OR1C1: variants seen among roughly 807,000 people sequenced by gnomAD.
OR1C1 encodes the protein olfactory receptor family 1 subfamily C member 1, also known as olfactory receptor 1C1.
For missense variants in OR1C1, 407 were observed against 384.3 expected, an observed-to-expected ratio of 1.06 and a Z score of -0.49; for synonymous variants, 153 against 154.6, an observed-to-expected ratio of 0.99 and a Z score of 0.08.
At chr1:247,759,537 CATT>C (rs1420876172) in intron 1 of OR1C1, among the ~76,000 whole-genome samples, 1 of 152,182 alleles carries the variant, frequency 6.6e-6, no homozygotes, top group African/African-American at 2.4e-5. Context: ...GTCCAAGTAT[CATT>C]ATTTTCTCAC....
Position 247,760,504 on chromosome 1 carries a change from C to G in OR1C1, c.-106G>C, listed in dbSNP as rs778222945. 7.9e-5 allele frequency: 12 copies of G among 152,034 alleles called. No individual in the cohort carries two copies. The highest frequency in any genetic ancestry group is 1.2e-4 in the Non-Finnish European group (8 of 67,996). The allele number at this position is 152,034 out of a possible 1,614,324, so 9.4% of individuals were successfully genotyped here. A position where few individuals can be genotyped will look rare whatever the true frequency, so the allele number is the denominator to read the frequency against. On this transcript the variant is annotated 5_prime_UTR_variant, in exon 1 of 2. Transcript: ENST00000641256. ...TGGACCTATGCATTGATTCAGATTT[C>G]TAGTCAAGAGTGAAAAAGAGAAGAA...
chr1:247,760,258 T>C (rs369245262), intron 1 of OR1C1, among the ~76,000 whole-genome samples, 154 bp downstream of exon 1: 43 of 152,196 alleles, frequency 2.8e-4, no homozygotes, highest in African/African-American at 9.6e-4. Flanking sequence ...ATCATCTTAA[T>C]TTCAAAATTT....
In OR1C1 at chr1:247,756,092, T is replaced by TTTTA. The variant is rs1168389876; in HGVS notation, c.*1366_*1369dup. On this transcript the variant is annotated 3_prime_UTR_variant, in exon 2 of 2. Transcript: ENST00000641256. The surrounding 1 kb of genome is among the most constrained non-coding windows in gnomAD (Gnocchi z 4.3). ...AAGTTACAATTTACTTCACCAATGCTTTTATTTATTTATTTATATTCTGAG... is the reference window on the plus strand; with the variant it reads ...AAGTTACAATTTACTTCACCAATGCTTTTATTTATTTATTTATTTATATTCTGAG... 6.6e-6 allele frequency: 1 copy of TTTTA among 152,202 alleles called. No individual in the cohort carries two copies. Among genetic ancestry groups the TTTTA allele is most frequent in the African/African-American group, 2.4e-5 (1 of 41,456 alleles). 9.4% of individuals were successfully genotyped at this position (152,202 alleles called of 1,614,324 possible).
chr1:247,758,095 G>A lies in OR1C1; in HGVS notation c.312C>T (p.Phe104=), dbSNP rs373351363. Residue 104 remains phenylalanine (F), a synonymous_variant, in exon 2 of 2, where the codon TTC becomes TTT. Coordinates refer to ENST00000641256, the MANE Select transcript of OR1C1 (RefSeq NM_012353.3). ...FAGCLTQLFF[F]VSFVNMDSLL... is the part of the protein sequence containing the mutation. ...GGCTGTCCATATTCACAAAAGAAACGAAGAAGAAGAGCTGGGTGAGGCAGC... is the reference window on the plus strand; with the variant it reads ...GGCTGTCCATATTCACAAAAGAAACAAAGAAGAAGAGCTGGGTGAGGCAGC... 2 of 1,613,924 alleles carry A rather than the reference G, an allele frequency of 1.2e-6. No individual in the cohort carries two copies. The highest frequency in any genetic ancestry group is 2.2e-5 in the South Asian group (2 of 91,064).
intron 1 of OR1C1, among the ~76,000 whole-genome samples, chr1:247,759,327 T>C (rs1209277150): frequency 6.6e-6 from 1 of 152,164 alleles, no homozygotes; most frequent in East Asian, 1.9e-4. Flanking sequence ...ATTTCTATGA[T>C]CCAGGTGCTG....
At position 247,756,551 on chromosome 1, in the gene OR1C1, A is replaced by G. The variant is rs1173160261; in HGVS notation, c.*911T>C. On this transcript the variant is annotated 3_prime_UTR_variant, in exon 2 of 2. Transcript: ENST00000641256. The surrounding 1 kb of genome is among the most constrained non-coding windows in gnomAD (Gnocchi z 4.3). ...CATTCTCAGATGTAAAATTGTAGAA[A>G]GGAACCGGAATAGGTTGAATAAACA... 2 of 152,232 alleles carry G rather than the reference A, an allele frequency of 1.3e-5. No individual in the cohort carries two copies. Among genetic ancestry groups the G allele is most frequent in the Non-Finnish European group, 2.9e-5 (2 of 68,044 alleles). 9.4% of individuals were successfully genotyped at this position (152,232 alleles called of 1,614,324 possible). A position where few individuals can be genotyped will look rare whatever the true frequency, so the allele number is the denominator to read the frequency against.
rs974912520 is a variant in OR1C1, at chr1:247,755,478, C to G, written c.*1984G>C. On this transcript the variant is annotated 3_prime_UTR_variant, in exon 2 of 2. Coordinates refer to ENST00000641256, the MANE Select transcript of OR1C1 (RefSeq NM_012353.3). ...TCAGTAGCAAAAAACTGCCAAATAA[C>G]ACAATTTTTAAAAAGAGCAAAGTAC... is the stretch of plus-strand genomic sequence containing the variant. The G allele has an allele frequency of 1.3e-5, 2 of 151,860 alleles. No homozygotes were observed. The highest frequency in any genetic ancestry group is 2.9e-5 in the Non-Finnish European group (2 of 67,940). The allele number at this position is 151,860 out of a possible 1,614,324, so 9.4% of individuals were successfully genotyped here.
At position 247,756,623 on chromosome 1, in the gene OR1C1, T is replaced by C. The variant is rs1006311555; in HGVS notation, c.*839A>G. On this transcript the variant is annotated 3_prime_UTR_variant, in exon 2 of 2. Transcript: ENST00000641256. The surrounding 1 kb of genome is among the most constrained non-coding windows in gnomAD (Gnocchi z 4.3). Reference sequence around the variant, plus strand: ...AATATCTTAAATGGAGTCTATTTAATTGAATGACCTCAAATATAATTATTT... The same window carrying C: ...AATATCTTAAATGGAGTCTATTTAACTGAATGACCTCAAATATAATTATTT... 1 of 152,192 alleles carries C rather than the reference T, an allele frequency of 6.6e-6. No individual in the cohort carries two copies. Among genetic ancestry groups the C allele is most frequent in the Admixed American group, 6.5e-5 (1 of 15,272 alleles). 9.4% of individuals were successfully genotyped at this position (152,192 alleles called of 1,614,324 possible).
rs1661227378 is a variant in OR1C1 at position 247,757,341 on chromosome 1, G to A, written c.*121C>T. 1.1e-5 allele frequency: 8 copies of A among 721,336 alleles called. No homozygotes were observed. Among genetic ancestry groups the A allele is most frequent in the Non-Finnish European group, 1.4e-5 (6 of 428,384 alleles). 44.7% of individuals were successfully genotyped at this position (721,336 alleles called of 1,614,324 possible). A position where few individuals can be genotyped will look rare whatever the true frequency, so the allele number is the denominator to read the frequency against. ...ATAATTCATATAAAGTGCTTAACAC[G>A]ATTTCCAGCATAAGGGAGACATTTA... On this transcript the variant is annotated 3_prime_UTR_variant, in exon 2 of 2. Coordinates refer to ENST00000641256, the MANE Select transcript of OR1C1 (RefSeq NM_012353.3).
rs1337006649 is a variant in OR1C1, at chr1:247,756,634, C to CA, written c.*827dup. 6.6e-6 allele frequency: 1 copy of CA among 152,014 alleles called. No individual in the cohort carries two copies. The highest frequency in any genetic ancestry group is 1.5e-5 in the Non-Finnish European group (1 of 68,018). The allele number at this position is 152,014 out of a possible 1,614,324, so 9.4% of individuals were successfully genotyped here. On this transcript the variant is annotated 3_prime_UTR_variant, in exon 2 of 2. Coordinates refer to ENST00000641256, the MANE Select transcript of OR1C1 (RefSeq NM_012353.3). This position sits in a 1 kb window ranked among gnomAD's most constrained non-coding sequence, Gnocchi z 4.3. ...TGGAGTCTATTTAATTGAATGACCTCAAATATAATTATTTTTGCATACAGT... is the reference window on the plus strand; with the variant it reads ...TGGAGTCTATTTAATTGAATGACCTCAAAATATAATTATTTTTGCATACAGT...
chr1:247,757,822 A>G lies in OR1C1; in HGVS notation c.585T>C (p.Asn195=), dbSNP rs1661246055. ...LQLSCSDVSF[N]VMIIFAVGGL... is the part of the protein sequence containing the mutation. ...CTCCTACTGCAAAAATGATCATTACATTGAAGGAGACGTCAGAGCAAGAGA... is the reference window on the plus strand; with the variant it reads ...CTCCTACTGCAAAAATGATCATTACGTTGAAGGAGACGTCAGAGCAAGAGA... Residue 195 remains asparagine, a synonymous_variant, in exon 2 of 2, where the codon AAT becomes AAC. Transcript: ENST00000641256. 2.5e-6 allele frequency: 4 copies of G among 1,614,000 alleles called. No homozygotes were observed. The highest frequency in any genetic ancestry group is 1.1e-5 in the South Asian group (1 of 91,066).
rs776672113 is a variant in OR1C1, at chr1:247,757,538, T to C, written c.869A>G (p.Tyr290Cys). ...CTTCATATCCCTGTTCCTTAGGGTA[T>C]AGATGAAAGGATTCAGCATCGGAGC... ...MVAPMLNPFI[Y>C]TLRNRDMKRG... is the part of the protein sequence containing the mutation. The change falls in exon 2 of 2, where the codon TAT (tyrosine) becomes TGT (cysteine). Residue 290 changes from tyrosine to cysteine, a missense_variant. Physicochemically the swap from Tyr to Cys is radical, Grantham distance 194. Transcript: ENST00000641256. 1 of 1,614,022 alleles carries C rather than the reference T, an allele frequency of 6.2e-7. No homozygotes were observed. The highest frequency in any genetic ancestry group is 8.5e-7 in the Non-Finnish European group (1 of 1,179,988).
In OR1C1 at chr1:247,757,511, C is replaced by G. The variant is rs769952078; in HGVS notation, c.896G>C (p.Arg299Thr). The G allele has an allele frequency of 2.5e-6, 4 of 1,613,818 alleles. No homozygotes were observed. The highest frequency in any genetic ancestry group is 3.4e-6 in the Non-Finnish European group (4 of 1,179,994). The change falls in exon 2 of 2, where the codon AGG (arginine) becomes ACG (threonine). Residue 299 changes from arginine (R) to threonine (T), a missense_variant. Arg to Thr is a moderately conservative substitution (Grantham distance 71, BLOSUM62 -1). Coordinates refer to ENST00000641256, the MANE Select transcript of OR1C1 (RefSeq NM_012353.3). The part of the protein sequence containing the change: ...IYTLRNRDMK[R>T]GLQKMLLKCT... Reference sequence around the variant, plus strand: ...CTTGAGAAGCATTTTCTGAAGTCCCCTCTTCATATCCCTGTTCCTTAGGGT... The same window carrying G: ...CTTGAGAAGCATTTTCTGAAGTCCCGTCTTCATATCCCTGTTCCTTAGGGT...
At position 247,757,761 on chromosome 1, in the gene OR1C1, C is replaced by A. The variant is rs770848084; in HGVS notation, c.646G>T (p.Val216Leu). The stretch of plus-strand genomic sequence containing the variant: ...GTGGAGAAGATAAGTCCATAAGATA[C>A]GAGGATACAGACAAGGGGCGTGAGA... ...LALTPLVCIL[V>L]SYGLIFSTVL... The change falls in exon 2 of 2, where the codon GTA (valine) becomes TTA (leucine). Residue 216 changes from valine (V) to leucine (L), a missense_variant. Transcript: ENST00000641256. 1.2e-5 allele frequency: 19 copies of A among 1,613,782 alleles called. No individual in the cohort carries two copies. The highest frequency in any genetic ancestry group is 7.6e-6 in the Non-Finnish European group (9 of 1,179,986).
rs780912684 is a variant in OR1C1 at position 247,758,046 on chromosome 1, C to T, written c.361G>A (p.Asp121Asn). The T allele has an allele frequency of 1.2e-6, 2 of 1,614,084 alleles. No individual in the cohort carries two copies. Among genetic ancestry groups the T allele is most frequent in the South Asian group, 2.2e-5 (2 of 91,076 alleles). The change falls in exon 2 of 2, where the codon GAT becomes AAT. Residue 121 changes from aspartate (D) to asparagine (N), a missense_variant. By Grantham distance (23) the Asp-to-Asn change is conservative. Coordinates refer to ENST00000641256, the MANE Select transcript of OR1C1 (RefSeq NM_012353.3). ...GGGTGGCAAATCGCCACATATCTAT[C>T]ATACGCCATCACACACAGAAGGAGG... ...DSLLLCVMAY[D>N]RYVAICHPLH...
chr1:247,754,940 C>A lies in OR1C1; in HGVS notation c.*2522G>T, dbSNP rs1661184594. On this transcript the variant is annotated 3_prime_UTR_variant, in exon 2 of 2. Coordinates refer to ENST00000641256, the MANE Select transcript of OR1C1 (RefSeq NM_012353.3). ...TTTATGCCAATTAAATTTTAAAATGCAATAAAAAGATACAGTAATCAAAAA... is the reference window on the plus strand; with the variant it reads ...TTTATGCCAATTAAATTTTAAAATGAAATAAAAAGATACAGTAATCAAAAA... The A allele has an allele frequency of 6.6e-6, 1 of 151,712 alleles. No homozygotes were observed. The highest frequency in any genetic ancestry group is 1.5e-5 in the Non-Finnish European group (1 of 67,898). The allele number at this position is 151,712 out of a possible 1,614,324, so 9.4% of individuals were successfully genotyped here.
Position 247,757,929 on chromosome 1 carries a change from T to C in OR1C1, c.478A>G (p.Thr160Ala), listed in dbSNP as rs747770605. 6.2e-6 allele frequency: 10 copies of C among 1,613,824 alleles called. No homozygotes were observed. In the Admixed American group the frequency reaches 1.5e-4, roughly 24 times the overall value. ...AAGGACAGCTGTGCTATTAGGACAG[T>C]ATGCAGGAGGGCGTGGAGGTAAGTA... The part of the protein sequence containing the change: ...LVTYLHALLH[T>A]VLIAQLSFCA... The change falls in exon 2 of 2, where the codon ACT becomes GCT. Residue 160 changes from threonine (T) to alanine (A), a missense_variant. Coordinates refer to ENST00000641256, the MANE Select transcript of OR1C1 (RefSeq NM_012353.3).
At position 247,757,445 on chromosome 1, in the gene OR1C1, T is replaced by C. The variant is rs2103233335; in HGVS notation, c.*17A>G. On this transcript the variant is annotated 3_prime_UTR_variant, in exon 2 of 2. Coordinates refer to ENST00000641256, the MANE Select transcript of OR1C1 (RefSeq NM_012353.3). ...TTATCACCACATTAGTATTATTTAA[T>C]TCAGTCACTGAGGTCATTATTGCTG... 6.3e-7 allele frequency: 1 copy of C among 1,584,076 alleles called. No individual in the cohort carries two copies. The highest frequency in any genetic ancestry group is 1.3e-5 in the African/African-American group (1 of 74,360).
In OR1C1 at chr1:247,756,776, A is replaced by G. The variant is rs1661216734; in HGVS notation, c.*686T>C. On this transcript the variant is annotated 3_prime_UTR_variant, in exon 2 of 2. Coordinates refer to ENST00000641256, the MANE Select transcript of OR1C1 (RefSeq NM_012353.3). The surrounding 1 kb of genome is among the most constrained non-coding windows in gnomAD (Gnocchi z 4.3). ...TATGAAAAATGCAGCTGAGAACCTG[A>G]TCTCTTCTCTAAAGATATTGTATAC... 6.6e-6 allele frequency: 1 copy of G among 152,154 alleles called. No homozygotes were observed. The highest frequency in any genetic ancestry group is 2.4e-5 in the African/African-American group (1 of 41,442). 9.4% of individuals were successfully genotyped at this position (152,154 alleles called of 1,614,324 possible). A position where few individuals can be genotyped will look rare whatever the true frequency, so the allele number is the denominator to read the frequency against.
Sources: allele counts gnomAD v4.1 joint callset (sites outside exome capture counted in the v4.1 genomes callset), GRCh38; gene constraint gnomAD v4.1.1; non-coding constraint Gnocchi (gnomAD v3.1); transcripts MANE v1.5; gene names NCBI Gene and HGNC (gene_info 2026-07-23, HGNC 2026-07-21).